EGFLAM: variants seen among roughly 807,000 people sequenced by gnomAD.
EGFLAM encodes pikachurin.
EGFLAM carries 79 observed loss-of-function variants against 113.1 expected under a neutral mutation model. The ratio of observed to expected loss-of-function variants is 0.70; its 90% CI spans 0.58 to 0.84. The LOEUF (loss-of-function observed/expected upper bound fraction) is 0.84, where lower values mean the gene tolerates loss of function less well. EGFLAM is among the 40% of genes least tolerant of loss of function. The pLI is 0.00. For missense variants in EGFLAM, 1,265 were observed against 1,291.6 expected (o/e 0.98, Z 0.32); for synonymous variants, 504 against 487.6 (o/e 1.03, Z -0.44).
At chr5:38,388,395 G>A (rs1285926895) in intron 6 of EGFLAM, among the ~76,000 whole-genome samples, 1 of 152,094 alleles carries the variant, frequency 6.6e-6, no homozygotes, top group African/African-American at 2.4e-5. Context: ...CAAGGTGAGA[G>A]GATTGCTTGA....
intron 5 of EGFLAM, among the ~76,000 whole-genome samples, chr5:38,368,412 C>T (rs1728610433): frequency 6.6e-6 from 1 of 152,190 alleles, no homozygotes; most frequent in African/African-American, 2.4e-5. Flanking sequence ...ACACTACCCC[C>T]AGCTTGGTGA....
At chr5:38,413,241 C>G (rs1741541961) in intron 11 of EGFLAM, among the ~76,000 whole-genome samples, 1 of 125,154 alleles carries the variant, frequency 8.0e-6, no homozygotes, top group Non-Finnish European at 1.6e-5. Context: ...GTTGCCCAGG[C>G]TGGTCATGAA....
intron 1 of EGFLAM, among the ~76,000 whole-genome samples, chr5:38,320,002 G>T (rs540340743): frequency 6.6e-6 from 1 of 152,250 alleles, no homozygotes; most frequent in Non-Finnish European, 1.5e-5. Context: ...TGTCTATGTT[G>T]AAGCAACAAG....
chr5:38,321,862 C>A (rs1376840563), intron 1 of EGFLAM, among the ~76,000 whole-genome samples: 3 of 152,158 alleles, frequency 2.0e-5, no homozygotes, highest in Non-Finnish European at 4.4e-5. Flanking sequence ...TAGAAGCCCA[C>A]GTACATTTGT....
chr5:38,337,970 G>A (rs1180738251), intron 2 of EGFLAM, among the ~76,000 whole-genome samples: 1 of 152,168 alleles, frequency 6.6e-6, no homozygotes, highest in African/African-American at 2.4e-5. Context: ...GTGGAATGTT[G>A]TCAACAAGTA....
intron 1 of EGFLAM, chr5:38,291,052 C>T (rs1366462174): frequency 6.6e-6 from 1 of 152,348 alleles, no homozygotes; most frequent in Non-Finnish European, 1.5e-5. Flanking sequence ...CGCCACTGCA[C>T]TTCAGCCTGA....
chr5:38,357,667 T>A (rs930157766), intron 5 of EGFLAM, among the ~76,000 whole-genome samples: 2 of 152,094 alleles, frequency 1.3e-5, no homozygotes, highest in South Asian at 4.1e-4. Flanking sequence ...TTGTAGAAAT[T>A]GGTTTATCCC....
intron 19 of EGFLAM, among the ~76,000 whole-genome samples, chr5:38,456,094 C>G (rs1743076839): frequency 6.6e-6 from 1 of 152,194 alleles, no homozygotes; most frequent in Non-Finnish European, 1.5e-5. Context: ...GGTGCATTGT[C>G]AACCCCGTAT....
intron 1 of EGFLAM, among the ~76,000 whole-genome samples, chr5:38,324,342 G>C (rs1738823675): frequency 2.6e-5 from 4 of 152,072 alleles, no homozygotes. Flanking sequence ...GCCCATAGGC[G>C]GTCCCACTGG....
intron 17 of EGFLAM, among the ~76,000 whole-genome samples, chr5:38,441,430 T>TAA (rs542195920): frequency 1.7e-3 from 266 of 152,282 alleles, no homozygotes; most frequent in Non-Finnish European, 2.9e-3. Context: ...CTTCCATACT[T>TAA]AGAGATTTCT....
intron 3 of EGFLAM, among the ~76,000 whole-genome samples, chr5:38,344,097 A>G (rs934119795): frequency 5.3e-5 from 8 of 152,240 alleles, no homozygotes; most frequent in African/African-American, 1.7e-4. Flanking sequence ...AGCATCATGT[A>G]AGGAGGTAAA....
At chr5:38,388,924 A>AC (rs33965704) in intron 6 of EGFLAM, among the ~76,000 whole-genome samples, 3 of 94,572 alleles carry the variant, frequency 3.2e-5, no homozygotes, top group Non-Finnish European at 7.0e-5. Context: ...CAAGAAAAAA[A>AC]AAAAAAAACA....
chr5:38,289,375 C>A (rs1758253098), intron 1 of EGFLAM, among the ~76,000 whole-genome samples: 1 of 151,998 alleles, frequency 6.6e-6, no homozygotes, highest in South Asian at 2.1e-4. Context: ...TGATTCATAC[C>A]CATCTGTATT....
intron 19 of EGFLAM, among the ~76,000 whole-genome samples, chr5:38,454,864 G>A (rs996698744): frequency 1.4e-4 from 21 of 152,230 alleles, no homozygotes; most frequent in African/African-American, 4.3e-4. Flanking sequence ...AAAAACAATG[G>A]GATTCTAAAA....
chr5:38,456,117 A>G (rs1190941807), intron 19 of EGFLAM, among the ~76,000 whole-genome samples: 1 of 152,152 alleles, frequency 6.6e-6, no homozygotes, highest in African/African-American at 2.4e-5. Context: ...AAGCTGCACT[A>G]AGTGCTGCCT....
intron 1 of EGFLAM, among the ~76,000 whole-genome samples, chr5:38,331,167 T>C (rs1739030287): frequency 6.6e-6 from 1 of 152,118 alleles, no homozygotes; most frequent in South Asian, 2.1e-4. Flanking sequence ...ATACTCCCTG[T>C]CCCCATGCAT....
chr5:38,429,359 A>G (rs1391455897), intron 14 of EGFLAM, among the ~76,000 whole-genome samples: 2 of 152,250 alleles, frequency 1.3e-5, no homozygotes, highest in Admixed American at 6.5e-5. Flanking sequence ...ATTGCTAAGA[A>G]CAGATCACAA....
chr5:38,425,659 C>T (rs1037575775), intron 13 of EGFLAM, among the ~76,000 whole-genome samples: 1 of 152,186 alleles, frequency 6.6e-6, no homozygotes, highest in Admixed American at 6.5e-5. Context: ...AGGGCACCTC[C>T]GTCCCTCAGC....
intron 6 of EGFLAM, among the ~76,000 whole-genome samples, chr5:38,394,555 A>G (rs569565385): frequency 1.1e-3 from 160 of 150,704 alleles, no homozygotes; most frequent in Middle Eastern, 3.4e-3. Flanking sequence ...GACTACAGGC[A>G]CCCGCCACCA....
Sources: allele counts gnomAD v4.1 joint callset (sites outside exome capture counted in the v4.1 genomes callset), GRCh38; gene constraint gnomAD v4.1.1; transcripts MANE v1.5; gene names NCBI Gene and HGNC (gene_info 2026-07-23, HGNC 2026-07-21).